ACSF3: variants seen among roughly 807,000 people sequenced by gnomAD.
ACSF3 encodes the protein malonate--CoA ligase ACSF3, mitochondrial.
Under a neutral mutation model 53.2 loss-of-function variants are expected in ACSF3, and 78 were observed. The observed-to-expected ratio is 1.47, with a 90% CI of 1.22 to 1.77. The LOEUF is 1.77. Ranked by LOEUF, ACSF3 falls within the 40% of genes most tolerant of loss-of-function variation. The pLI is 0.00. For missense variants in ACSF3, 937 were observed against 771.1 expected, an observed-to-expected ratio of 1.22 and a Z score of -2.55; for synonymous variants, 414 against 333.1, an observed-to-expected ratio of 1.24 and a Z score of -2.65.
At chr16:89,145,483 A>T in intron 9 of ACSF3, 82 bp downstream of exon 9, 1 of 1,537,134 alleles carries the variant, frequency 6.5e-7, no homozygotes, top group South Asian at 1.2e-5. Flanking sequence ...ACTGCAGATG[A>T]GTCGACGCCG....
intron 10 of ACSF3, chr16:89,148,676 G>A (rs1913558871): frequency 6.6e-6 from 1 of 152,288 alleles, no homozygotes; most frequent in South Asian, 2.1e-4. Flanking sequence ...TGGGGACTCT[G>A]TGTGGGGGCT....
At chr16:89,097,136 TAGTGTGTGC>T (rs1326903412) in intron 1 of ACSF3, among the ~76,000 whole-genome samples, 1 of 152,174 alleles carries the variant, frequency 6.6e-6, no homozygotes, top group Non-Finnish European at 1.5e-5. Flanking sequence ...TGTGCTCTGG[TAGTGTGTGC>T]TGTGTGTGCT....
chr16:89,108,915 G>A (rs975096953), intron 4 of ACSF3, among the ~76,000 whole-genome samples: 4 of 152,078 alleles, frequency 2.6e-5, no homozygotes, highest in African/African-American at 9.7e-5. Context: ...GTTGTATGGT[G>A]ACTTTCTGTT....
chr16:89,150,840 C>A, intron 10 of ACSF3: 1 of 517,342 alleles, frequency 1.9e-6, no homozygotes, highest in Non-Finnish European at 3.1e-6. Flanking sequence ...CTGTGCCCGG[C>A]TCAGGCTGAG....
intron 4 of ACSF3, among the ~76,000 whole-genome samples, chr16:89,104,043 G>C (rs1188502375): frequency 6.6e-6 from 1 of 152,176 alleles, no homozygotes; most frequent in East Asian, 1.9e-4. Flanking sequence ...GTGGCCCTGT[G>C]TGCATTCTAG....
chr16:89,096,800 C>A (rs1289898135), intron 1 of ACSF3, among the ~76,000 whole-genome samples: 3 of 152,190 alleles, frequency 2.0e-5, no homozygotes, highest in Admixed American at 6.5e-5. Flanking sequence ...CCCACCAGGC[C>A]CCCGTCCGTT....
intron 4 of ACSF3, among the ~76,000 whole-genome samples, chr16:89,106,492 C>T (rs570418414): frequency 3.9e-4 from 60 of 152,132 alleles, no homozygotes; most frequent in Non-Finnish European, 1.6e-4. Flanking sequence ...CGGGGTTTCA[C>T]TATGTTGGCC....
intron 3 of ACSF3, 119 bp from the exon 4 acceptor site, chr16:89,102,485 C>T: frequency 3.3e-6 from 4 of 1,210,040 alleles, no homozygotes; most frequent in South Asian, 1.2e-5. Context: ...AGCCAGCCTT[C>T]TCCTTCCCCT....
intron 4 of ACSF3, among the ~76,000 whole-genome samples, chr16:89,104,481 T>G (rs1177667234): frequency 1.3e-5 from 2 of 152,210 alleles, no homozygotes; most frequent in Non-Finnish European, 2.9e-5. Context: ...GTCTGAAGTC[T>G]TTCTGGCCCC....
Position 89,101,303 on chromosome 16 carries a change from A to T in ACSF3, c.622A>T (p.Arg208Trp). ...MIIYTSGTTG[R>W]PKGVLSTHQN... Reference sequence around the variant, plus strand: ...CATCTACACCAGTGGGACCACGGGGAGGCCCAAGGGCGTGCTGAGCACGCA... The same window carrying T: ...CATCTACACCAGTGGGACCACGGGGTGGCCCAAGGGCGTGCTGAGCACGCA... Residue 208 changes from arginine to tryptophan, a missense_variant, in exon 3 of 11, where the codon AGG (arginine) becomes TGG (tryptophan). Coordinates refer to ENST00000614302, the MANE Select transcript of ACSF3 (RefSeq NM_001243279.3). 1 of 1,602,390 alleles carries T rather than the reference A, an allele frequency of 6.2e-7. No individual in the cohort carries two copies. Among genetic ancestry groups the T allele is most frequent in the Non-Finnish European group, 8.5e-7 (1 of 1,175,104 alleles).
chr16:89,143,220 C>G (rs1912215914), intron 8 of ACSF3, among the ~76,000 whole-genome samples: 1 of 148,998 alleles, frequency 6.7e-6, no homozygotes, highest in African/African-American at 2.6e-5. Flanking sequence ...GGTGCAGTCT[C>G]AGCCCCGTGC....
intron 8 of ACSF3, 186 bp from the exon 9 acceptor site, chr16:89,145,081 C>T (rs1912637205): frequency 6.6e-7 from 1 of 1,520,804 alleles, no homozygotes. Flanking sequence ...TCGTGACCAC[C>T]AGGAATGTGG....
At chr16:89,133,482 C>T (rs111644287) in intron 8 of ACSF3, among the ~76,000 whole-genome samples, 3 of 152,178 alleles carry the variant, frequency 2.0e-5, no homozygotes, top group Non-Finnish European at 2.9e-5. Flanking sequence ...CCCTGTCCCT[C>T]AGTGCCAGGG....
Position 89,102,696 on chromosome 16 carries a change from GC to G in ACSF3, c.760del (p.Leu254CysfsTer12). ...ACCACGTCCATGGTGTGGTCAACGC[GC>G]TGCTCTGTCCTCTCTGGGTGGGAGC... ...LHHVHGVVNALLCPLWVGATC... is the reference protein window; with the variant it reads ...LHHVHGVVNAXLCPLWVGATC... On this transcript the variant is annotated frameshift_variant, in exon 4 of 11. Transcript: ENST00000614302. LOFTEE classifies it high-confidence loss of function. 1 of 1,613,648 alleles carries G rather than the reference GC, an allele frequency of 6.2e-7. No individual in the cohort carries two copies. Among genetic ancestry groups the G allele is most frequent in the Non-Finnish European group, 8.5e-7 (1 of 1,180,038 alleles).
At chr16:89,108,930 G>A (rs1213651730) in intron 4 of ACSF3, among the ~76,000 whole-genome samples, 4 of 152,092 alleles carry the variant, frequency 2.6e-5, no homozygotes, top group African/African-American at 9.7e-5. Flanking sequence ...TCTGTTTAAT[G>A]TTTTAAGAAA....
chr16:89,118,565 G>A (rs1046829748), intron 6 of ACSF3, among the ~76,000 whole-genome samples: 2 of 151,728 alleles, frequency 1.3e-5, no homozygotes, highest in Non-Finnish European at 2.9e-5. Flanking sequence ...GCTCGGAAGA[G>A]AGAGAAGCTG....
intron 7 of ACSF3, among the ~76,000 whole-genome samples, chr16:89,123,138 G>T (rs1202909413): frequency 6.6e-6 from 1 of 152,186 alleles, no homozygotes; most frequent in Non-Finnish European, 1.5e-5. Flanking sequence ...AGCAGGTGGA[G>T]TACAGCTGCC....
intron 8 of ACSF3, chr16:89,141,293 G>C (rs933876665): frequency 7.8e-7 from 1 of 1,287,108 alleles, no homozygotes; most frequent in Admixed American, 2.3e-5. Flanking sequence ...CGGGCGCTGA[G>C]TAGTCTGGGA....
intron 7 of ACSF3, among the ~76,000 whole-genome samples, chr16:89,127,752 G>A (rs1908438582): frequency 6.6e-6 from 1 of 152,130 alleles, no homozygotes. Context: ...TGCATCTTGG[G>A]TGATTTTTGG....
Sources: allele counts gnomAD v4.1 joint callset (sites outside exome capture counted in the v4.1 genomes callset), GRCh38; gene constraint gnomAD v4.1.1; transcripts MANE v1.5; gene names NCBI Gene and HGNC (gene_info 2026-07-23, HGNC 2026-07-21).